SESTD1: variants seen among roughly 807,000 people sequenced by gnomAD.
SESTD1 encodes the protein SEC14 domain and spectrin repeat-containing protein 1.
Under a neutral mutation model 101.7 loss-of-function variants are expected in SESTD1, and 43 were observed. The ratio of observed to expected loss-of-function variants is 0.42; its 90% CI spans 0.33 to 0.55. SESTD1 has a LOEUF of 0.55. Among genes scored for constraint, SESTD1 ranks in the 20% least tolerant of loss-of-function variants. The probability of loss-of-function intolerance (pLI) is 0.07; values close to 1 mark genes in which losing one functional copy is unlikely to be tolerated. For synonymous variants in SESTD1, 283 were observed against 286.8 expected, an observed-to-expected ratio of 0.99 and a Z score of 0.13; for missense variants, 647 against 815.1, an observed-to-expected ratio of 0.79 and a Z score of 2.51.
intron 13 of SESTD1, among the ~76,000 whole-genome samples, chr2:179,118,919 T>G (rs1262701353): frequency 6.6e-6 from 1 of 152,190 alleles, no homozygotes. Context: ...TAAGTATCCC[T>G]GAGTCTTGAA....
chr2:179,192,116 A>G (rs1427097793), intron 1 of SESTD1, among the ~76,000 whole-genome samples: 1 of 152,214 alleles, frequency 6.6e-6, no homozygotes, highest in Non-Finnish European at 1.5e-5. Context: ...GTCTCTAGAC[A>G]TGGCCAAATA....
chr2:179,191,100 G>A (rs935919969), intron 2 of SESTD1, among the ~76,000 whole-genome samples: 3 of 152,118 alleles, frequency 2.0e-5, no homozygotes, highest in African/African-American at 4.8e-5. Flanking sequence ...AAAATAAATT[G>A]CTCTATCAAA....
At chr2:179,146,643 C>G (rs2105445088) in intron 7 of SESTD1, among the ~76,000 whole-genome samples, 186 bp from the exon 8 acceptor site, 1 of 152,184 alleles carries the variant, frequency 6.6e-6, no homozygotes, top group Middle Eastern at 3.4e-3. Context: ...TACTAGTAGC[C>G]AGAGAAATAC....
intron 1 of SESTD1, among the ~76,000 whole-genome samples, chr2:179,259,390 C>T (rs1488585007): frequency 6.6e-6 from 1 of 152,038 alleles, no homozygotes. Context: ...CCACGACACC[C>T]GACTAATTTT....
chr2:179,104,559 A>G lies in SESTD1; in HGVS notation c.*5340T>C, dbSNP rs2154393388. ...TCTCCCCCAAGACAGAAGCATTTGG[A>G]CACCCTAAAGACATGGTATTCAGCT... is the stretch of plus-strand genomic sequence containing the variant. On this transcript the variant is annotated 3_prime_UTR_variant, in exon 18 of 18. Transcript: ENST00000428443. 1 of 152,244 alleles carries G rather than the reference A, an allele frequency of 6.6e-6. No individual in the cohort carries two copies. Among genetic ancestry groups the G allele is most frequent in the East Asian group, 1.9e-4 (1 of 5,174 alleles). The allele number at this position is 152,244 out of a possible 1,614,324, so 9.4% of individuals were successfully genotyped here. A position where few individuals can be genotyped will look rare whatever the true frequency, so the allele number is the denominator to read the frequency against.
In SESTD1 at chr2:179,109,308, T is replaced by G. The variant is rs1010147610; in HGVS notation, c.*591A>C. ...GATGTAACTACTAAATTAAATAAGA[T>G]GTTTAAAGAAGTCTTTTATTAAGCA... On this transcript the variant is annotated 3_prime_UTR_variant, in exon 18 of 18. Coordinates refer to ENST00000428443, the MANE Select transcript of SESTD1 (RefSeq NM_178123.5). 6.3e-6 allele frequency: 1 copy of G among 158,640 alleles called. No individual in the cohort carries two copies. Among genetic ancestry groups the G allele is most frequent in the Admixed American group, 6.5e-5 (1 of 15,430 alleles). 9.8% of individuals were successfully genotyped at this position (158,640 alleles called of 1,614,324 possible). A position where few individuals can be genotyped will look rare whatever the true frequency, so the allele number is the denominator to read the frequency against.
chr2:179,221,899 G>A (rs181673618), intron 1 of SESTD1, among the ~76,000 whole-genome samples: 1 of 151,944 alleles, frequency 6.6e-6, no homozygotes, highest in East Asian at 1.9e-4. Flanking sequence ...CAGCCTGGGT[G>A]ACGGAGTTAG....
intron 1 of SESTD1, among the ~76,000 whole-genome samples, chr2:179,233,733 C>T (rs1415194231): frequency 3.3e-5 from 5 of 152,234 alleles, no homozygotes; most frequent in Admixed American, 6.5e-5. Flanking sequence ...GGATCACAGG[C>T]ATGAGCCACC....
intron 1 of SESTD1, among the ~76,000 whole-genome samples, chr2:179,203,230 C>T (rs967670239): frequency 7.4e-6 from 1 of 135,134 alleles, no homozygotes; most frequent in African/African-American, 2.9e-5. Flanking sequence ...TGGCAGACAA[C>T]CCTTTCTCTG....
chr2:179,128,127 GA>G, intron 10 of SESTD1, among the ~76,000 whole-genome samples: 1 of 152,262 alleles, frequency 6.6e-6, no homozygotes, highest in South Asian at 2.1e-4. Flanking sequence ...GTTGGCCCTG[GA>G]ATATATATTT....
At chr2:179,231,042 GA>G (rs1398294971) in intron 1 of SESTD1, among the ~76,000 whole-genome samples, 1 of 152,106 alleles carries the variant, frequency 6.6e-6, no homozygotes, top group African/African-American at 2.4e-5. Flanking sequence ...TATAAAAAGG[GA>G]AAGTGTGAAC....
intron 9 of SESTD1, 122 bp from the exon 10 acceptor site, chr2:179,132,548 T>G (rs2045035529): frequency 3.7e-6 from 4 of 1,079,312 alleles, no homozygotes. Flanking sequence ...ATTTACATTC[T>G]ATCACATAGG....
At chr2:179,217,027 A>T (rs988214778) in intron 1 of SESTD1, among the ~76,000 whole-genome samples, 12 of 151,980 alleles carry the variant, frequency 7.9e-5, no homozygotes, top group African/African-American at 2.9e-4. Context: ...AACCATAAAA[A>T]CCCTAGAAGA....
At chr2:179,179,576 T>C (rs2046072440) in intron 3 of SESTD1, among the ~76,000 whole-genome samples, 1 of 152,228 alleles carries the variant, frequency 6.6e-6, no homozygotes, top group African/African-American at 2.4e-5. Context: ...TATGCTTTTA[T>C]TATAATTACT....
intron 1 of SESTD1, among the ~76,000 whole-genome samples, chr2:179,249,813 CA>C (rs1205492552): frequency 2.7e-5 from 4 of 146,076 alleles, no homozygotes; most frequent in African/African-American, 1.0e-4. Context: ...TGCTTTTTGA[CA>C]AAGGTACAAA....
intron 9 of SESTD1, among the ~76,000 whole-genome samples, chr2:179,140,785 GCTTT>G: frequency 6.6e-6 from 1 of 152,106 alleles, no homozygotes; most frequent in Non-Finnish European, 1.5e-5. Context: ...TCAATCTTGT[GCTTT>G]CTAACAGACA....
intron 1 of SESTD1, among the ~76,000 whole-genome samples, chr2:179,217,267 G>T (rs1016885296): frequency 3.9e-5 from 6 of 152,032 alleles, no homozygotes; most frequent in African/African-American, 1.5e-4. Context: ...AATCTACAAA[G>T]AACTTAAACA....
At chr2:179,214,088 C>T (rs2046686576) in intron 1 of SESTD1, among the ~76,000 whole-genome samples, 1 of 134,674 alleles carries the variant, frequency 7.4e-6, no homozygotes, top group Non-Finnish European at 1.6e-5. Context: ...GGCAAAATAA[C>T]CAGCTAACAT....
At chr2:179,199,280 C>A (rs572146896) in intron 1 of SESTD1, among the ~76,000 whole-genome samples, 3 of 152,076 alleles carry the variant, frequency 2.0e-5, no homozygotes, top group Non-Finnish European at 4.4e-5. Flanking sequence ...CTGAATAGAC[C>A]AATAACAGGA....
Sources: gnomAD v4.1 joint callset for allele counts (sites outside exome capture counted in the v4.1 genomes callset) on GRCh38, gnomAD v4.1.1 for gene constraint, MANE v1.5 for transcripts, NCBI Gene and HGNC (gene_info 2026-07-23, HGNC 2026-07-21) for gene names.